The following EGF variants were observed in gnomAD, a reference collection of about 807,000 sequenced individuals.
EGF encodes the protein pro-epidermal growth factor.
A neutral mutation model predicts 143.8 loss-of-function variants in EGF; 95 were observed. The ratio of observed to expected loss-of-function variants is 0.66; its 90% confidence interval spans 0.56 to 0.78. EGF has a LOEUF of 0.78. EGF is among the 30% of genes least tolerant of loss of function. The probability of loss-of-function intolerance (pLI) is 0.00; values close to 1 mark genes in which losing one functional copy is unlikely to be tolerated. For missense variants in EGF, 1,320 were observed against 1,470.9 expected, an observed-to-expected ratio of 0.90 and a Z score of 1.68; for synonymous variants, 510 against 510.5, an observed-to-expected ratio of 1.00 and a Z score of 0.01.
intron 21 of EGF, 140 bp downstream of exon 21, chr4:109,999,986 C>A (rs1752353029): frequency 1.5e-6 from 2 of 1,290,486 alleles, no homozygotes; most frequent in Non-Finnish European, 2.2e-6. Flanking sequence ...GTGCAGTGAC[C>A]CATGCCTGCA....
Position 109,963,189 on chromosome 4 carries a change from T to C in EGF, c.1329T>C (p.Asp443=). The C allele has an allele frequency of 6.2e-7, 1 of 1,614,036 alleles. No homozygotes were observed. Among genetic ancestry groups the C allele is most frequent in the Non-Finnish European group, 8.5e-7 (1 of 1,179,954 alleles). Residue 443 remains aspartate, a synonymous_variant, in exon 9 of 24, where the codon GAT becomes GAC. Transcript: ENST00000265171. ...TTTTTGTAGGTTGTTCCTCACCCGATAATGGTGGATGTAGCCAGCTCTGCG... is the reference window on the plus strand; with the variant it reads ...TTTTTGTAGGTTGTTCCTCACCCGACAATGGTGGATGTAGCCAGCTCTGCG... ...GKTCSGCSSP[D]NGGCSQLCVP... is the part of the protein sequence containing the mutation.
rs11568950 is a variant in EGF, at chr4:109,962,896, G to A, written c.1313-277G>A. On this transcript the variant is annotated intron_variant, in intron 8 of 23. Transcript: ENST00000265171. ...AGCCTGGCCAACATGGTGAAACCCC[G>A]TCTCTACTAAAAATACAAAAATCAA... Among the ~76,000 whole-genome samples the A allele has an allele frequency of 0.27, 41,593 of 151,620 alleles. 6,161 individuals carry two copies. The highest frequency in any genetic ancestry group is 0.38 in the Middle Eastern group (111 of 294).
In EGF at chr4:109,974,758, A is replaced by C. The variant is rs140101336; in HGVS notation, c.1780A>C (p.Lys594Gln). Residue 594 changes from lysine (K) to glutamine (Q), a missense_variant, in exon 12 of 24, where the codon AAG (lysine) becomes CAG (glutamine). Physicochemically the swap from Lys to Gln is moderately conservative, Grantham distance 53 (BLOSUM62 1). Around this residue, in one of 5 missense-constraint regions of EGF, gnomAD observed 1,186 missense variants for 1,313.7 expected, o/e 0.90. Coordinates refer to ENST00000265171, the MANE Select transcript of EGF (RefSeq NM_001963.6). ...TGGGAAACGTTCCAAAATAATCACTAAGGAGAACATCTCTCAACCACGAGG... is the reference window on the plus strand; with the variant it reads ...TGGGAAACGTTCCAAAATAATCACTCAGGAGAACATCTCTCAACCACGAGG... ...LNGKRSKIIT[K>Q]ENISQPRGIA... is the part of the protein sequence containing the mutation. 6.8e-6 allele frequency: 11 copies of C among 1,613,578 alleles called. No homozygotes were observed. Among genetic ancestry groups the C allele is most frequent in the African/African-American group, 1.3e-5 (1 of 74,924 alleles).
intron 1 of EGF, among the ~76,000 whole-genome samples, chr4:109,939,934 A>G (rs1741624416): frequency 6.6e-6 from 1 of 152,206 alleles, no homozygotes; most frequent in Non-Finnish European, 1.5e-5. Flanking sequence ...TCATTTTCTA[A>G]AGGCAGAGTG....
At position 109,980,808 on chromosome 4, in the gene EGF, G is replaced by C. The variant is rs750257313; in HGVS notation, c.2222-18G>C. ...CATCTTCAAACCCACTTGTGAATTT[G>C]TTTCTTTTCTCTACTAGGAGCAGAT... On this transcript the variant is annotated intron_variant, in intron 14 of 23. Coordinates refer to ENST00000265171, the MANE Select transcript of EGF (RefSeq NM_001963.6). 1.2e-6 allele frequency: 2 copies of C among 1,613,866 alleles called. No individual in the cohort carries two copies. The highest frequency in any genetic ancestry group is 1.3e-5 in the African/African-American group (1 of 75,010).
At chr4:109,963,377 A>T (rs1746026517) in intron 9 of EGF, 79 bp downstream of exon 9, 1 of 1,586,528 alleles carries the variant, frequency 6.3e-7, no homozygotes, top group Non-Finnish European at 8.6e-7. Flanking sequence ...ATGGAAAGTT[A>T]ACTGCTTATG....
intron 1 of EGF, among the ~76,000 whole-genome samples, chr4:109,923,827 C>A (rs2125944078): frequency 6.6e-6 from 1 of 151,478 alleles, no homozygotes; most frequent in East Asian, 1.9e-4. Flanking sequence ...CGCCATGTTG[C>A]CCAGGCTGGT....
chr4:109,955,769 C>T (rs550287298), intron 5 of EGF, among the ~76,000 whole-genome samples: 1 of 152,292 alleles, frequency 6.6e-6, no homozygotes, highest in African/African-American at 2.4e-5. Flanking sequence ...TAGATGTTTA[C>T]TGGATGCCTA....
chr4:109,995,348 A>C (rs1434648205), intron 20 of EGF, among the ~76,000 whole-genome samples: 1 of 152,224 alleles, frequency 6.6e-6, no homozygotes, highest in Non-Finnish European at 1.5e-5. Flanking sequence ...TTCAAAACTA[A>C]TCATATGTAT....
intron 5 of EGF, among the ~76,000 whole-genome samples, chr4:109,958,494 G>A (rs1428707954): frequency 6.6e-6 from 1 of 152,160 alleles, no homozygotes; most frequent in Non-Finnish European, 1.5e-5. Context: ...GAACACGTGG[G>A]ACACTGGCAG....
intron 9 of EGF, among the ~76,000 whole-genome samples, 166 bp from the exon 10 acceptor site, chr4:109,964,235 G>A (rs1362943975): frequency 6.6e-6 from 1 of 152,108 alleles, no homozygotes; most frequent in Admixed American, 6.5e-5. Context: ...TCCTGGAAGA[G>A]GACATCCTCT....
At chr4:109,991,340 G>C (rs1188834148) in intron 18 of EGF, among the ~76,000 whole-genome samples, 1 of 152,080 alleles carries the variant, frequency 6.6e-6, no homozygotes, top group Non-Finnish European at 1.5e-5. Flanking sequence ...TGCATTTCAG[G>C]TACTCAATAC....
Position 109,988,761 on chromosome 4 carries a change from G to A in EGF, c.2734+52G>A, listed in dbSNP as rs763891004. Reference sequence around the variant, plus strand: ...AGGGCAGAGGCAGGCCTCAGAAATCGGGAAACAATGTGGGTGCATGAGCAG... The same window carrying A: ...AGGGCAGAGGCAGGCCTCAGAAATCAGGAAACAATGTGGGTGCATGAGCAG... On this transcript the variant is annotated intron_variant, in intron 18 of 23. Transcript: ENST00000265171. 2.5e-5 allele frequency: 41 copies of A among 1,610,918 alleles called. No individual in the cohort carries two copies. In the East Asian group the frequency reaches 4.9e-4, roughly 19 times the overall value.
intron 13 of EGF, among the ~76,000 whole-genome samples, 189 bp from the exon 14 acceptor site, chr4:109,979,783 T>C (rs1401673203): frequency 6.6e-6 from 1 of 152,118 alleles, no homozygotes; most frequent in African/African-American, 2.4e-5. Flanking sequence ...CATTCTAAGG[T>C]GACGTTCCCT....
chr4:109,966,256 T>C (rs915817707), intron 10 of EGF, among the ~76,000 whole-genome samples: 2 of 152,068 alleles, frequency 1.3e-5, no homozygotes, highest in African/African-American at 4.8e-5. Context: ...TGTATGTCCA[T>C]GTGTACCCAT....
chr4:110,010,246 A>G (rs1011935484), intron 23 of EGF, among the ~76,000 whole-genome samples: 1 of 152,080 alleles, frequency 6.6e-6, no homozygotes, highest in Admixed American at 6.6e-5. Context: ...CTCCATCTCA[A>G]AACAAAGATA....
intron 15 of EGF, among the ~76,000 whole-genome samples, chr4:109,981,872 C>T (rs534094309): frequency 6.6e-6 from 1 of 152,000 alleles, no homozygotes; most frequent in South Asian, 2.1e-4. Context: ...AGTCAATGGT[C>T]AAGAGTTTTA....
At chr4:109,916,736 A>G (rs1411192348) in intron 1 of EGF, among the ~76,000 whole-genome samples, 1 of 120,622 alleles carries the variant, frequency 8.3e-6, no homozygotes, top group Non-Finnish European at 1.6e-5. Flanking sequence ...TAAGCCCGAG[A>G]TTCTATTAAT....
chr4:109,936,960 G>A (rs1487258357), intron 1 of EGF, among the ~76,000 whole-genome samples: 2 of 152,106 alleles, frequency 1.3e-5, no homozygotes, highest in African/African-American at 4.8e-5. Flanking sequence ...TTCCAATTAC[G>A]TGTTCAATTT....
Sources: gnomAD v4.1 joint callset for allele counts (sites outside exome capture counted in the v4.1 genomes callset) on GRCh38, gnomAD v4.1.1 for gene constraint, gnomAD v4.1.1 regional missense constraint, MANE v1.5 for transcripts, NCBI Gene and HGNC (gene_info 2026-07-23, HGNC 2026-07-21) for gene names.